The following RNF125 variants were observed in gnomAD, a reference collection of about 807,000 sequenced individuals.
The protein encoded by RNF125 is E3 ubiquitin-protein ligase RNF125.
In RNF125, 21 loss-of-function variants were observed where a neutral mutation model predicts 26.0. The ratio of observed to expected loss-of-function variants is 0.81; its 90% confidence interval spans 0.57 to 1.16. The LOEUF is 1.16. Among genes scored for constraint, RNF125 ranks in the 50% most tolerant of loss-of-function variants. RNF125 has a pLI of 0.00. For synonymous variants in RNF125, 95 were observed against 109.2 expected, an observed-to-expected ratio of 0.87 and a Z score of 0.81; for missense variants, 270 against 299.4, an observed-to-expected ratio of 0.90 and a Z score of 0.72.
At chr18:32,028,114 T>C (rs1041764656) in intron 1 of RNF125, among the ~76,000 whole-genome samples, 26 of 151,376 alleles carry the variant, frequency 1.7e-4, no homozygotes, top group African/African-American at 5.6e-4. Context: ...CTGGCTAACA[T>C]GGTGAAACCC....
chr18:32,048,084 G>A (rs539274354), intron 4 of RNF125, among the ~76,000 whole-genome samples: 1 of 151,496 alleles, frequency 6.6e-6, no homozygotes, highest in African/African-American at 2.4e-5. Context: ...AACTGAGATC[G>A]TGCCACTGCA....
the RNF125 span, among the ~76,000 whole-genome samples, chr18:32,083,898 T>C: frequency 2.0e-5 from 3 of 146,680 alleles, no homozygotes; most frequent in African/African-American, 7.6e-5. Context: ...GGCGAGACCC[T>C]GTCTCGAAAA....
At chr18:32,042,556 C>A (rs1231545518) in intron 3 of RNF125, among the ~76,000 whole-genome samples, 1 of 152,128 alleles carries the variant, frequency 6.6e-6, no homozygotes, top group Non-Finnish European at 1.5e-5. Context: ...AAATAGAATG[C>A]AGAACTGTTA....
downstream of RNF125, among the ~76,000 whole-genome samples, chr18:32,075,068 T>C (rs374689133): frequency 3.3e-5 from 5 of 152,324 alleles, no homozygotes; most frequent in African/African-American, 1.2e-4. Flanking sequence ...CTTGTTATAA[T>C]TACACTTTCC....
intron 1 of RNF125, among the ~76,000 whole-genome samples, chr18:32,029,462 GAAAA>G (rs61164382): frequency 1.8e-5 from 2 of 112,414 alleles, no homozygotes; most frequent in African/African-American, 3.1e-5. Context: ...CGTCTGTACA[GAAAA>G]AAAAAAAAAA....
chr18:32,083,729 T>C, the RNF125 span, among the ~76,000 whole-genome samples: 1 of 151,950 alleles, frequency 6.6e-6, no homozygotes, highest in African/African-American at 2.4e-5. Flanking sequence ...CTGGGTAACA[T>C]GGCCAAACCC....
downstream of RNF125, chr18:32,073,299 A>G (rs2039548732): frequency 6.6e-6 from 1 of 152,196 alleles, no homozygotes; most frequent in Non-Finnish European, 1.5e-5. Context: ...AAAGGTGTAC[A>G]TTCATTTAGG....
At chr18:32,079,863 AAGGACAACTGTATATATT>A in the RNF125 span, among the ~76,000 whole-genome samples, 1 of 152,200 alleles carries the variant, frequency 6.6e-6, no homozygotes, top group African/African-American at 2.4e-5. Context: ...GCTAATTCTG[AAGGACAACTGTATATATT>A]ATAGTTGCTG....
At chr18:32,065,848 C>T in intron 4 of RNF125, 54 bp from the exon 5 acceptor site, 3 of 1,263,396 alleles carry the variant, frequency 2.4e-6, no homozygotes, top group Non-Finnish European at 3.5e-6. Context: ...TTAATTCTAA[C>T]ACTAATAACG....
chr18:32,040,861 A>G (rs1043772048), intron 2 of RNF125, among the ~76,000 whole-genome samples: 1 of 152,226 alleles, frequency 6.6e-6, no homozygotes, highest in Non-Finnish European at 1.5e-5. Context: ...GCAAAGTTGG[A>G]TGTTACAGGT....
At chr18:32,042,921 G>A (rs1449938289) in intron 3 of RNF125, among the ~76,000 whole-genome samples, 1 of 151,588 alleles carries the variant, frequency 6.6e-6, no homozygotes, top group Non-Finnish European at 1.5e-5. Context: ...GGCTGAGACG[G>A]GCAGATCACT....
At chr18:32,022,687 T>C (rs992415984) in intron 1 of RNF125, among the ~76,000 whole-genome samples, 2 of 152,270 alleles carry the variant, frequency 1.3e-5, no homozygotes, top group Admixed American at 6.5e-5. Flanking sequence ...CTAGAAAGAA[T>C]AGGCATGAGC....
intron 1 of RNF125, among the ~76,000 whole-genome samples, chr18:32,023,413 A>C (rs1598806225): frequency 6.6e-6 from 1 of 152,128 alleles, no homozygotes; most frequent in African/African-American, 2.4e-5. Context: ...TCGGCCTCCC[A>C]AAGTGCTGGA....
chr18:32,034,792 G>A (rs1054598370), intron 1 of RNF125, among the ~76,000 whole-genome samples: 12 of 150,922 alleles, frequency 8.0e-5, no homozygotes, highest in Admixed American at 2.7e-4. Context: ...GTGCACACCC[G>A]CAATCCCAGC....
rs75521044 is a variant in RNF125, at chr18:32,044,856, C to A, written c.414-786C>A. ...GACCTGCAGTCCGGGCGAGGTGGCT[C>A]ACACCCGAAATCTCAGCACTTTGGG... On this transcript the variant is annotated intron_variant, in intron 3 of 5. Coordinates refer to ENST00000217740, the MANE Select transcript of RNF125 (RefSeq NM_017831.4). Among the ~76,000 whole-genome samples the A allele has an allele frequency of 9.8e-3, 1,486 of 151,808 alleles. 81 individuals carry two copies. The East Asian group carries it at 0.14, about 14-fold the overall frequency.
Position 32,065,961 on chromosome 18 carries a change from A to G in RNF125, c.564A>G (p.Leu188=), listed in dbSNP as rs78138000. Residue 188 remains leucine (L), a synonymous_variant, in exon 5 of 6, where the codon TTA becomes TTG. Transcript: ENST00000217740. ...ATCCAAGCAGCTTCAGTGGCAGTTT[A>G]ATAAGACATCTGCAAGTTAGTCACA... is the stretch of plus-strand genomic sequence containing the variant. ...DENPSSFSGS[L]IRHLQVSHTL... is the part of the protein sequence containing the mutation. The G allele has an allele frequency of 1.2e-6, 2 of 1,613,644 alleles. No homozygotes were observed.
the RNF125 span, among the ~76,000 whole-genome samples, chr18:32,090,083 TA>T: frequency 6.6e-6 from 1 of 152,138 alleles, no homozygotes; most frequent in African/African-American, 2.4e-5. Flanking sequence ...CTGTCTCTAC[TA>T]AAAATGCAAA....
intron 4 of RNF125, among the ~76,000 whole-genome samples, chr18:32,054,147 G>T (rs915336266): frequency 7.0e-6 from 1 of 143,476 alleles, no homozygotes; most frequent in Non-Finnish European, 1.5e-5. Flanking sequence ...AGGCTGGAGC[G>T]CAGTGGCGTG....
chr18:32,019,043 G>C lies in RNF125; in HGVS notation c.164+16G>C. The C allele has an allele frequency of 1.2e-6, 2 of 1,610,660 alleles. No homozygotes were observed. The highest frequency in any genetic ancestry group is 1.1e-5 in the South Asian group (1 of 90,562). The stretch of plus-strand genomic sequence containing the variant: ...GTGGCCACGTGTAAGTTCCAGGGGA[G>C]CTCGGTTTGCGCCCACCCCTAAGGA... On this transcript the variant is annotated intron_variant, in intron 1 of 5. Coordinates refer to ENST00000217740, the MANE Select transcript of RNF125 (RefSeq NM_017831.4).
Sources: gnomAD v4.1 joint callset for allele counts (sites outside exome capture counted in the v4.1 genomes callset) on GRCh38, gnomAD v4.1.1 for gene constraint, MANE v1.5 for transcripts, NCBI Gene and HGNC (gene_info 2026-07-23, HGNC 2026-07-21) for gene names.